Variants in GRIK4 observed in about 807,000 individuals in gnomAD.
GRIK4 encodes glutamate receptor ionotropic, kainate 4.
Under a neutral mutation model 104.9 loss-of-function variants are expected in GRIK4, and 40 were observed. The observed-to-expected ratio is 0.38, with a 90% CI of 0.30 to 0.50. The LOEUF (loss-of-function observed/expected upper bound fraction) is 0.50. GRIK4 is among the 20% of genes least tolerant of loss of function. The pLI is 0.93. For missense variants in GRIK4, 1,047 were observed against 1,308.1 expected, an observed-to-expected ratio of 0.80 and a Z score of 3.08; for synonymous variants, 485 against 524.9, an observed-to-expected ratio of 0.92 and a Z score of 1.04.
At chr11:120,570,233 A>G (rs985732159) in intron 1 of GRIK4, among the ~76,000 whole-genome samples, 2 of 152,238 alleles carry the variant, frequency 1.3e-5, no homozygotes, top group African/African-American at 2.4e-5. Flanking sequence ...AGCTATTGTG[A>G]TAATTACTCA....
At chr11:120,769,566 C>T (rs371075892) in intron 3 of GRIK4, among the ~76,000 whole-genome samples, 7 of 152,160 alleles carry the variant, frequency 4.6e-5, no homozygotes, top group African/African-American at 1.4e-4. Flanking sequence ...AAAGACAATT[C>T]TTAACTTGCA....
chr11:120,555,748 A>C lies in GRIK4; in HGVS notation c.-159+43861A>C, dbSNP rs1415067231. 6.6e-6 allele frequency among the ~76,000 whole-genome samples: 1 copy of C among 152,070 alleles called. No homozygotes were observed. Among genetic ancestry groups the C allele is most frequent in the Non-Finnish European group, 1.5e-5 (1 of 68,022 alleles). On this transcript the variant is annotated intron_variant, in intron 1 of 20. Transcript: ENST00000527524. The surrounding 1 kb of genome is among the most constrained non-coding windows in gnomAD (Gnocchi z 5.3). ...AGCTGCGGGTGGCACAAAGTTTGCAAATTCCTTTTACTTCATCCTTGTCCT... is the reference window on the plus strand; with the variant it reads ...AGCTGCGGGTGGCACAAAGTTTGCACATTCCTTTTACTTCATCCTTGTCCT...
intron 1 of GRIK4, among the ~76,000 whole-genome samples, chr11:120,532,954 A>G (rs1035344424): frequency 2.0e-5 from 3 of 152,174 alleles, no homozygotes; most frequent in Admixed American, 6.5e-5. Context: ...GTTCAGCACT[A>G]AGGGGACACA....
intron 1 of GRIK4, among the ~76,000 whole-genome samples, chr11:120,646,918 G>C (rs1441174585): frequency 6.6e-6 from 1 of 152,228 alleles, no homozygotes; most frequent in Non-Finnish European, 1.5e-5. Context: ...AGGGCAGGTA[G>C]TATGTCTCCT....
chr11:120,975,785 G>A (rs1453572460), intron 19 of GRIK4, among the ~76,000 whole-genome samples: 1 of 152,102 alleles, frequency 6.6e-6, no homozygotes, highest in African/African-American at 2.4e-5. Flanking sequence ...CGAGTGACTG[G>A]GAGAGATGGT....
At chr11:120,734,482 A>T (rs1951189714) in intron 3 of GRIK4, among the ~76,000 whole-genome samples, 1 of 151,628 alleles carries the variant, frequency 6.6e-6, no homozygotes, top group African/African-American at 2.4e-5. Flanking sequence ...TTTATTTCTG[A>T]CTTTTGGGAG....
intron 13 of GRIK4, among the ~76,000 whole-genome samples, chr11:120,935,795 C>T (rs936495039): frequency 4.6e-5 from 7 of 152,138 alleles, no homozygotes; most frequent in Non-Finnish European, 8.8e-5. Flanking sequence ...CAACTTACAA[C>T]CCCATACTGT....
intron 1 of GRIK4, among the ~76,000 whole-genome samples, chr11:120,634,114 A>AGT (rs973073937): frequency 6.6e-6 from 1 of 152,168 alleles, no homozygotes; most frequent in African/African-American, 2.4e-5. Context: ...CCTGCCTTCC[A>AGT]GTGTGTGTGC....
chr11:120,905,472 G>T lies in GRIK4; in HGVS notation c.1455G>T (p.Met485Ile). 6.2e-7 allele frequency: 1 copy of T among 1,612,712 alleles called. No homozygotes were observed. Among genetic ancestry groups the T allele is most frequent in the Non-Finnish European group, 8.5e-7 (1 of 1,179,594 alleles). ...AGGCCAACGGCACCTGGACGGGAAT[G>T]GTCGGGGAGCTGATCGCTAGGGTAA... Reference protein sequence around the residue: ...VPEANGTWTGMVGELIARKAD... With the variant: ...VPEANGTWTGIVGELIARKAD... The change falls in exon 13 of 21, where the codon ATG becomes ATT. Residue 485 changes from methionine (M) to isoleucine (I), a missense_variant. Met to Ile is a conservative substitution (Grantham distance 10, BLOSUM62 1). This residue lies in a region of GRIK4 where 440 missense variants were observed against 652.3 expected (regional missense o/e 0.67). Coordinates refer to ENST00000527524, the MANE Select transcript of GRIK4 (RefSeq NM_014619.5). This position sits in a 1 kb window ranked among gnomAD's most constrained non-coding sequence, Gnocchi z 5.1.
Position 120,819,158 on chromosome 11 carries a change from C to T in GRIK4, c.346-597C>T, listed in dbSNP as rs1373581432. Among the ~76,000 whole-genome samples, 1 of 152,196 alleles carries T rather than the reference C, an allele frequency of 6.6e-6. No individual in the cohort carries two copies. Among genetic ancestry groups the T allele is most frequent in the African/African-American group, 2.4e-5 (1 of 41,450 alleles). ...TTCAGAGGTTCTCTAGATGGTTTCTCCGCCTGCAGGGCTTCCTTCCTCCAT... is the reference window on the plus strand; with the variant it reads ...TTCAGAGGTTCTCTAGATGGTTTCTTCGCCTGCAGGGCTTCCTTCCTCCAT... On this transcript the variant is annotated intron_variant, in intron 5 of 20. Transcript: ENST00000527524. The surrounding 1 kb of genome is among the most constrained non-coding windows in gnomAD (Gnocchi z 4.3).
At chr11:120,631,600 G>A (rs987201855) in intron 1 of GRIK4, among the ~76,000 whole-genome samples, 1 of 152,192 alleles carries the variant, frequency 6.6e-6, no homozygotes, top group African/African-American at 2.4e-5. Context: ...CCAGGAGTGA[G>A]AGGGGACAGA....
At chr11:120,963,439 A>T (rs1257254506) in intron 18 of GRIK4, among the ~76,000 whole-genome samples, 1 of 152,166 alleles carries the variant, frequency 6.6e-6, no homozygotes, top group Non-Finnish European at 1.5e-5. Flanking sequence ...TGCTGTGGTG[A>T]TTGTGAAGGG....
At chr11:120,787,852 CTTTTTTTTTT>C (rs58523604) in intron 3 of GRIK4, among the ~76,000 whole-genome samples, 4 of 77,122 alleles carry the variant, frequency 5.2e-5, no homozygotes, top group Non-Finnish European at 9.2e-5. Context: ...CTTTTCTTTT[CTTTTTTTTTT>C]TTTTTTTTTT....
At chr11:120,716,644 G>A (rs529784047) in intron 3 of GRIK4, among the ~76,000 whole-genome samples, 1 of 152,304 alleles carries the variant, frequency 6.6e-6, no homozygotes, top group South Asian at 2.1e-4. Context: ...CTAAGTGTTG[G>A]CAGCCTGGCT....
At chr11:120,850,959 C>T (rs576410463) in intron 8 of GRIK4, among the ~76,000 whole-genome samples, 2 of 152,128 alleles carry the variant, frequency 1.3e-5, no homozygotes, top group East Asian at 1.9e-4. Flanking sequence ...TCAACAGCTC[C>T]GTAAATCACC....
At chr11:120,797,255 C>T (rs1171152041) in intron 3 of GRIK4, among the ~76,000 whole-genome samples, 2 of 152,184 alleles carry the variant, frequency 1.3e-5, no homozygotes, top group Non-Finnish European at 2.9e-5. Flanking sequence ...TGGCTCGGGG[C>T]TTCTCTGCAG....
chr11:120,665,645 A>G lies in GRIK4; in HGVS notation c.82+5245A>G, dbSNP rs923961303. Among the ~76,000 whole-genome samples, 56 of 152,236 alleles carry G rather than the reference A, an allele frequency of 3.7e-4. 1 individual carries two copies. Among genetic ancestry groups the G allele is most frequent in the Non-Finnish European group, 1.5e-5 (1 of 68,036 alleles). On this transcript the variant is annotated intron_variant, in intron 3 of 20. Transcript: ENST00000527524. The stretch of plus-strand genomic sequence containing the variant: ...GTTTGCAAACTTCTCTTCCCCCAGG[A>G]ATTGGTCAAGGTTTAAAAATGCCAA...
chr11:120,633,180 C>A (rs996140813), intron 1 of GRIK4, among the ~76,000 whole-genome samples: 2 of 152,142 alleles, frequency 1.3e-5, no homozygotes, highest in African/African-American at 2.4e-5. Flanking sequence ...TCAGAGTCTT[C>A]TTGGCCTGGA....
chr11:120,653,022 C>T (rs1474666396), intron 1 of GRIK4, among the ~76,000 whole-genome samples: 3 of 117,946 alleles, frequency 2.5e-5, no homozygotes, highest in Non-Finnish European at 5.9e-5. Flanking sequence ...GCAGGTGTGG[C>T]AGGTGATACA....
Sources: allele counts gnomAD v4.1 joint callset (sites outside exome capture counted in the v4.1 genomes callset), GRCh38; gene constraint gnomAD v4.1.1; regional missense constraint gnomAD v4.1.1; non-coding constraint Gnocchi (gnomAD v3.1); transcripts MANE v1.5; gene names NCBI Gene and HGNC (gene_info 2026-07-23, HGNC 2026-07-21).